Variants in SEM1 observed in about 807,000 individuals in gnomAD.
The protein encoded by SEM1 is 26S proteasome complex subunit SEM1.
Under a neutral mutation model 12.7 loss-of-function variants are expected in SEM1, and 3 were observed. The ratio of observed to expected loss-of-function variants is 0.24; its 90% CI spans 0.11 to 0.61. The LOEUF (loss-of-function observed/expected upper bound fraction) is 0.61, where lower values mean the gene tolerates loss of function less well. SEM1 is among the 20% of genes least tolerant of loss of function. The pLI, the probability that SEM1 is intolerant of heterozygous loss-of-function variation, is 0.88. For synonymous variants in SEM1, 30 were observed against 27.8 expected (o/e 1.08, Z -0.25); for missense variants, 59 against 81.3 (o/e 0.73, Z 1.06).
At chr7:96,541,287 C>T (rs575116517) in intron 2 of SEM1, among the ~76,000 whole-genome samples, 1 of 151,712 alleles carries the variant, frequency 6.6e-6, no homozygotes, top group Non-Finnish European at 1.5e-5. Flanking sequence ...GTCATTCTGA[C>T]TGGTGTGCAG....
At chr7:96,567,047 G>A (rs2115951033) in intron 2 of SEM1, among the ~76,000 whole-genome samples, 1 of 151,634 alleles carries the variant, frequency 6.6e-6, no homozygotes, top group South Asian at 2.1e-4. Flanking sequence ...TTAGTACCTT[G>A]TAGAACTAAT....
At chr7:96,566,132 A>G (rs761167516) in intron 2 of SEM1, among the ~76,000 whole-genome samples, 3 of 151,740 alleles carry the variant, frequency 2.0e-5, no homozygotes, top group Non-Finnish European at 4.4e-5. Context: ...TTTATTCTAT[A>G]AAAGTGATAC....
At chr7:96,540,593 G>A (rs1804914727) in intron 2 of SEM1, among the ~76,000 whole-genome samples, 1 of 151,804 alleles carries the variant, frequency 6.6e-6, no homozygotes, top group Non-Finnish European at 1.5e-5. Flanking sequence ...AAATCAATAA[G>A]AAAACACTGT....
At chr7:96,561,980 A>G (rs978889732) in intron 2 of SEM1, among the ~76,000 whole-genome samples, 1 of 152,188 alleles carries the variant, frequency 6.6e-6, no homozygotes, top group African/African-American at 2.4e-5. Context: ...TTCTTTTTAC[A>G]ACTGTAGCAC....
At chr7:96,554,170 C>A (rs374798243) in intron 2 of SEM1, among the ~76,000 whole-genome samples, 1 of 147,940 alleles carries the variant, frequency 6.8e-6, no homozygotes, top group South Asian at 2.2e-4. Context: ...CTCTTTTCCT[C>A]ATTGAATACC....
At chr7:96,638,329 CT>C (rs1482378280) in intron 2 of SEM1, among the ~76,000 whole-genome samples, 1 of 151,924 alleles carries the variant, frequency 6.6e-6, no homozygotes, top group African/African-American at 2.4e-5. Context: ...AAAATAATCT[CT>C]TATTGTTGGA....
At chr7:96,559,993 A>G (rs1805642359) in intron 2 of SEM1, among the ~76,000 whole-genome samples, 1 of 152,090 alleles carries the variant, frequency 6.6e-6, no homozygotes, top group African/African-American at 2.4e-5. Context: ...AAACCCAAAA[A>G]ACTTTTAGAT....
intron 2 of SEM1, among the ~76,000 whole-genome samples, chr7:96,584,082 G>T (rs1291173539): frequency 1.3e-5 from 2 of 152,036 alleles, no homozygotes; most frequent in Non-Finnish European, 2.9e-5. Flanking sequence ...TTACATTTTG[G>T]CATGATTTTG....
intron 2 of SEM1, among the ~76,000 whole-genome samples, chr7:96,553,666 T>G (rs1354977875): frequency 2.0e-5 from 3 of 152,184 alleles, no homozygotes; most frequent in Non-Finnish European, 4.4e-5. Flanking sequence ...TAGGATTGAC[T>G]TGGTGATGCA....
At chr7:96,598,408 T>C (rs56290730) in intron 2 of SEM1, among the ~76,000 whole-genome samples, 25,623 of 147,636 alleles carry the variant, frequency 0.17, 2,546 homozygotes, top group Middle Eastern at 0.32. Flanking sequence ...TTTTTTTTTT[T>C]TCCCCCAAAT....
At chr7:96,578,286 A>G (rs922193716) in intron 2 of SEM1, among the ~76,000 whole-genome samples, 1 of 698 alleles carries the variant, frequency 1.4e-3, no homozygotes, top group South Asian at 0.011. Context: ...AGATAAAGGA[A>G]AAAAAAAAAG....
chr7:96,613,269 G>A (rs1404526889), intron 2 of SEM1, among the ~76,000 whole-genome samples: 1 of 152,102 alleles, frequency 6.6e-6, no homozygotes, highest in Non-Finnish European at 1.5e-5. Flanking sequence ...GTTTGCACAC[G>A]TTTTAATATT....
chr7:96,689,631 C>G (rs1789866446), intron 2 of SEM1, among the ~76,000 whole-genome samples: 1 of 152,194 alleles, frequency 6.6e-6, no homozygotes, highest in African/African-American at 2.4e-5. Flanking sequence ...CTACACTATT[C>G]CAATGCAAAC....
chr7:96,532,658 T>C (rs549048696), intron 2 of SEM1, among the ~76,000 whole-genome samples: 1 of 152,258 alleles, frequency 6.6e-6, no homozygotes, highest in East Asian at 1.9e-4. Flanking sequence ...AGCCAGGGTG[T>C]AGTGGATGCA....
chr7:96,550,121 G>A lies in SEM1; in HGVS notation c.171-43423C>T, dbSNP rs118129001. Among the ~76,000 whole-genome samples, 119 of 113,568 alleles carry A rather than the reference G, an allele frequency of 1.0e-3. 1 individual carries two copies. The East Asian group carries it at 0.03, about 28-fold the overall frequency. The allele number at this position is 113,568 out of a possible 152,430, so 74.5% of individuals were successfully genotyped here. A position where few individuals can be genotyped will look rare whatever the true frequency, so the allele number is the denominator to read the frequency against. Reference sequence around the variant, plus strand: ...TCATTAAAATAAGTTCAGCAAGATAGTATAGAAAGTTTGAGAAATAGTGAG... The same window carrying A: ...TCATTAAAATAAGTTCAGCAAGATAATATAGAAAGTTTGAGAAATAGTGAG... On this transcript the variant is annotated intron_variant and NMD_transcript_variant, in intron 2 of 3. Coordinates refer to the SEM1 transcript ENST00000466986.
At chr7:96,676,569 G>T (rs963500988) in intron 2 of SEM1, among the ~76,000 whole-genome samples, 5 of 152,134 alleles carry the variant, frequency 3.3e-5, no homozygotes, top group Non-Finnish European at 7.4e-5. Context: ...AACAAGTAAA[G>T]GACTCAAGAA....
chr7:96,576,739 T>C (rs998636350), intron 2 of SEM1, among the ~76,000 whole-genome samples: 1 of 152,184 alleles, frequency 6.6e-6, no homozygotes, highest in African/African-American at 2.4e-5. Context: ...TTTCTTTCTA[T>C]GTTTAAATGC....
chr7:96,612,786 C>A (rs1807580664), intron 2 of SEM1, among the ~76,000 whole-genome samples: 2 of 152,082 alleles, frequency 1.3e-5, no homozygotes, highest in African/African-American at 4.8e-5. Context: ...CAGGCGCCTG[C>A]CACCACACCC....
chr7:96,582,819 T>A (rs1806464912), intron 2 of SEM1, among the ~76,000 whole-genome samples: 1 of 152,198 alleles, frequency 6.6e-6, no homozygotes, highest in African/African-American at 2.4e-5. Flanking sequence ...GGTGGTGATA[T>A]CCCCTTTATC....
Sources: allele counts gnomAD v4.1 joint callset (sites outside exome capture counted in the v4.1 genomes callset), GRCh38; gene constraint gnomAD v4.1.1; transcripts MANE v1.5; gene names NCBI Gene and HGNC (gene_info 2026-07-23, HGNC 2026-07-21).